Variants in RAPGEF4 observed in about 807,000 individuals in gnomAD.
The protein encoded by RAPGEF4 is RAP guanine-nucleotide-exchange factor (GEF) 4.
Under a neutral mutation model 147.9 loss-of-function variants are expected in RAPGEF4, and 66 were observed. The ratio of observed to expected loss-of-function variants is 0.45; its 90% CI spans 0.37 to 0.55. RAPGEF4 has a LOEUF of 0.55. Ranked by LOEUF, RAPGEF4 falls within the 20% of genes least tolerant of loss-of-function variation. The pLI, the probability that RAPGEF4 is intolerant of heterozygous loss-of-function variation, is 0.00. For synonymous variants in RAPGEF4, 419 were observed against 442.7 expected (o/e 0.95, Z 0.67); for missense variants, 1,071 against 1,257.3 (o/e 0.85, Z 2.24).
chr2:172,769,036 T>C lies in RAPGEF4; in HGVS notation c.66-25989T>C, dbSNP rs186527396. On this transcript the variant is annotated intron_variant, in intron 1 of 30. Coordinates refer to ENST00000397081, the MANE Select transcript of RAPGEF4 (RefSeq NM_007023.4). ...GGATCACCATTTCCCTTTCCTTATG[T>C]GTGAATGTGGAGCAAATCATGATAT... Among the ~76,000 whole-genome samples, 345 of 152,236 alleles carry C rather than the reference T, an allele frequency of 2.3e-3. 4 individuals are homozygous for C. The highest frequency in any genetic ancestry group is 0.021 in the Admixed American group (321 of 15,298).
chr2:173,036,119 C>CCTAAGGACCTT lies in RAPGEF4; in HGVS notation c.2704_2705insTTCTAAGGACC. 1.3e-6 allele frequency: 2 copies of CCTAAGGACCTT among 1,599,856 alleles called. No homozygotes were observed. The highest frequency in any genetic ancestry group is 1.7e-6 in the Non-Finnish European group (2 of 1,167,528). On this transcript the variant is annotated splice_polypyrimidine_tract_variant and splice_region_variant and intron_variant, in intron 27 of 30. Coordinates refer to ENST00000397081, the MANE Select transcript of RAPGEF4 (RefSeq NM_007023.4). Reference sequence around the variant, plus strand: ...TCATTACCATCATCTCTTTTTCTCTCCTAAGGACCCTTCAAGGAACCACAG... The same window carrying CCTAAGGACCTT: ...TCATTACCATCATCTCTTTTTCTCTCCTAAGGACCTTCTAAGGACCCTTCAAGGAACCACAG...
intron 12 of RAPGEF4, 36 bp from the exon 13 acceptor site, chr2:172,988,160 T>G (rs1314259378): frequency 2.5e-6 from 4 of 1,578,742 alleles, no homozygotes; most frequent in Non-Finnish European, 3.4e-6. Context: ...TGTGCTTCTA[T>G]TCTTATCATA....
intron 15 of RAPGEF4, among the ~76,000 whole-genome samples, chr2:172,991,957 A>G (rs1272394870): frequency 6.6e-6 from 1 of 152,200 alleles, no homozygotes; most frequent in Non-Finnish European, 1.5e-5. Context: ...ATATTACAAC[A>G]CCTTTTAAAA....
At chr2:172,969,986 G>A (rs1325428925) in intron 10 of RAPGEF4, among the ~76,000 whole-genome samples, 2 of 152,094 alleles carry the variant, frequency 1.3e-5, no homozygotes, top group East Asian at 3.9e-4. Context: ...CATGATTTCA[G>A]GTGGCCTTGG....
rs151224955 is a variant in RAPGEF4, at chr2:173,034,773, C to T, written c.2700+809C>T. On this transcript the variant is annotated intron_variant, in intron 27 of 30. Coordinates refer to ENST00000397081, the MANE Select transcript of RAPGEF4 (RefSeq NM_007023.4). ...CCTGTGGTCCCAGCTACTCAGGAGG[C>T]GGAGATGGGAAGATCGCTTGAGCCA... 4.0e-3 allele frequency among the ~76,000 whole-genome samples: 606 copies of T among 151,592 alleles called. 1 individual carries two copies. Among genetic ancestry groups the T allele is most frequent in the Admixed American group, 0.013 (199 of 15,244 alleles).
chr2:172,935,530 C>T (rs1454626099), intron 6 of RAPGEF4, among the ~76,000 whole-genome samples: 3 of 152,152 alleles, frequency 2.0e-5, no homozygotes, highest in Non-Finnish European at 2.9e-5. Context: ...AAAAAAACTG[C>T]CCCCTTCGAT....
rs771435172 is a variant in RAPGEF4, at chr2:172,961,178, T to G, written c.648T>G (p.Ser216=). The change falls in exon 8 of 31, where the codon TCT becomes TCG. Residue 216 remains serine (S), a synonymous_variant. Coordinates refer to ENST00000397081, the MANE Select transcript of RAPGEF4 (RefSeq NM_007023.4). ...AAATTTTACGAAATGCCATTCTCTC[T>G]CGAGCACCTCACATGATAAGAGATA... ...AGKILRNAIL[S]RAPHMIRDRK... is the part of the protein sequence containing the mutation. The G allele has an allele frequency of 6.2e-7, 1 of 1,613,146 alleles. No homozygotes were observed. Among genetic ancestry groups the G allele is most frequent in the Non-Finnish European group, 8.5e-7 (1 of 1,179,106 alleles).
At chr2:172,940,574 A>T (rs138863492) in intron 6 of RAPGEF4, among the ~76,000 whole-genome samples, 1 of 152,174 alleles carries the variant, frequency 6.6e-6, no homozygotes, top group Non-Finnish European at 1.5e-5. Context: ...AGGCCTCCCC[A>T]TAAGTAGATG....
At chr2:172,768,877 T>C (rs1487619413) in intron 1 of RAPGEF4, among the ~76,000 whole-genome samples, 1 of 152,218 alleles carries the variant, frequency 6.6e-6, no homozygotes, top group East Asian at 1.9e-4. Flanking sequence ...TCAGTAAAAT[T>C]GTTGCTTCAG....
chr2:173,017,065 G>A (rs773002748), intron 19 of RAPGEF4, 109 bp from the exon 20 acceptor site: 62 of 1,081,098 alleles, frequency 5.7e-5, no homozygotes, highest in Non-Finnish European at 7.5e-5. Flanking sequence ...CTCCTGAAAG[G>A]ATTCTGTGAT....
intron 4 of RAPGEF4, among the ~76,000 whole-genome samples, chr2:172,870,284 C>T (rs769301279): frequency 1.1e-4 from 17 of 152,148 alleles, no homozygotes; most frequent in Non-Finnish European, 2.5e-4. Context: ...TATGATCAGC[C>T]AGTCAATCAA....
chr2:173,046,598 CAACTT>C (rs1207559178), intron 29 of RAPGEF4, among the ~76,000 whole-genome samples: 1 of 152,136 alleles, frequency 6.6e-6, no homozygotes, highest in Non-Finnish European at 1.5e-5. Context: ...AGTGAAAAAA[CAACTT>C]AAAAGTAAAT....
intron 10 of RAPGEF4, among the ~76,000 whole-genome samples, chr2:172,973,107 C>CTT (rs58806286): frequency 4.5e-5 from 6 of 132,586 alleles, no homozygotes; most frequent in Non-Finnish European, 8.1e-5. Flanking sequence ...CTTTTTTTTT[C>CTT]TTTTTTTTTT....
intron 1 of RAPGEF4, among the ~76,000 whole-genome samples, chr2:172,752,706 C>A (rs969334172): frequency 1.3e-5 from 2 of 152,166 alleles, no homozygotes; most frequent in African/African-American, 4.8e-5. Context: ...ACAAAGTGTG[C>A]AGCTATAGAA....
rs1451580962 is a variant in RAPGEF4, at chr2:172,917,892, A to C, written c.517+18A>C. On this transcript the variant is annotated intron_variant, in intron 5 of 30. Coordinates refer to ENST00000397081, the MANE Select transcript of RAPGEF4 (RefSeq NM_007023.4). ...CAATGACAGTAAGTGGAAAATGTGA[A>C]CATTTTGTATCTAAAAATTTGTCGT... 1 of 1,604,006 alleles carries C rather than the reference A, an allele frequency of 6.2e-7. No homozygotes were observed. Among genetic ancestry groups the C allele is most frequent in the Non-Finnish European group, 8.5e-7 (1 of 1,171,078 alleles).
In RAPGEF4 at chr2:173,030,235, G is replaced by T; in HGVS notation, c.2630G>T (p.Arg877Leu). The change falls in exon 26 of 31, where the codon CGC becomes CTC. Residue 877 changes from arginine (R) to leucine (L), a missense_variant. Coordinates refer to ENST00000397081, the MANE Select transcript of RAPGEF4 (RefSeq NM_007023.4). ...GGACTAAGTAACGTTGCTGTGAGCC[G>T]CTTGGCACTAACGTGGGAGGTAAGC... is the stretch of plus-strand genomic sequence containing the variant. Reference protein sequence around the residue: ...VMGLSNVAVSRLALTWEKLPS... With the variant: ...VMGLSNVAVSLLALTWEKLPS... 3.7e-6 allele frequency: 6 copies of T among 1,612,934 alleles called. No individual in the cohort carries two copies. The highest frequency in any genetic ancestry group is 1.1e-5 in the South Asian group (1 of 91,054).
At chr2:172,910,290 C>T (rs892456851) in intron 4 of RAPGEF4, among the ~76,000 whole-genome samples, 1 of 152,174 alleles carries the variant, frequency 6.6e-6, no homozygotes, top group Non-Finnish European at 1.5e-5. Flanking sequence ...TCCATTGCAC[C>T]CCATGAACAC....
At chr2:172,916,203 C>A (rs781597449) in intron 4 of RAPGEF4, among the ~76,000 whole-genome samples, 1 of 152,136 alleles carries the variant, frequency 6.6e-6, no homozygotes, top group Admixed American at 6.6e-5. Context: ...AAGGTGCTTC[C>A]GTGGAGCTCA....
intron 4 of RAPGEF4, among the ~76,000 whole-genome samples, chr2:172,903,283 G>A (rs1335374614): frequency 1.3e-5 from 2 of 151,114 alleles, no homozygotes; most frequent in Admixed American, 6.6e-5. Flanking sequence ...GCAGGAGAAC[G>A]GCGTGAACCT....
Sources: gnomAD v4.1 joint callset for allele counts (sites outside exome capture counted in the v4.1 genomes callset) on GRCh38, gnomAD v4.1.1 for gene constraint, MANE v1.5 for transcripts, NCBI Gene and HGNC (gene_info 2026-07-23, HGNC 2026-07-21) for gene names.